The following UBE2W variants were observed in gnomAD, a reference collection of about 807,000 sequenced individuals.
UBE2W encodes ubiquitin conjugating enzyme E2 W, also known as ubiquitin-conjugating enzyme E2 W.
In UBE2W, 18 loss-of-function variants were observed where a neutral mutation model predicts 27.2. The ratio of observed to expected loss-of-function variants is 0.66; its 90% CI spans 0.46 to 0.98. The LOEUF is 0.98. Ranked by LOEUF, UBE2W falls within the 50% of genes least tolerant of loss-of-function variation. UBE2W has a pLI of 0.00. For synonymous variants in UBE2W, 53 were observed against 57.2 expected (o/e 0.93, Z 0.33); for missense variants, 90 against 180.2 (o/e 0.50, Z 2.87).
chr8:73,804,106 C>T (rs754628009), intron 5 of UBE2W, among the ~76,000 whole-genome samples: 2 of 151,974 alleles, frequency 1.3e-5, no homozygotes, highest in African/African-American at 2.4e-5. Flanking sequence ...TGGCATAGTT[C>T]TATTGCACTG....
chr8:73,852,592 T>A (rs531235838), intron 1 of UBE2W, among the ~76,000 whole-genome samples: 2 of 152,202 alleles, frequency 1.3e-5, no homozygotes, highest in South Asian at 4.1e-4. Context: ...AAGAATAAAT[T>A]TTTTTTCTTG....
At chr8:73,838,284 C>T (rs1167667521) in intron 1 of UBE2W, among the ~76,000 whole-genome samples, 7 of 151,790 alleles carry the variant, frequency 4.6e-5, no homozygotes, top group South Asian at 2.1e-4. Flanking sequence ...TCCTTTTTTT[C>T]CCCCCGGTAA....
At chr8:73,831,952 TC>T (rs1224859709) in intron 1 of UBE2W, 1 of 151,724 alleles carries the variant, frequency 6.6e-6, no homozygotes, top group Non-Finnish European at 1.5e-5. Context: ...TAACACGAGT[TC>T]CCAAAGACTG....
chr8:73,877,545 C>A (rs540854904), intron 1 of UBE2W, among the ~76,000 whole-genome samples: 3 of 151,312 alleles, frequency 2.0e-5, no homozygotes, highest in Admixed American at 6.6e-5. Flanking sequence ...GAAGAAGATG[C>A]AGAAAAGGGA....
intron 1 of UBE2W, among the ~76,000 whole-genome samples, chr8:73,874,764 TTAA>T (rs1376566551): frequency 6.6e-6 from 1 of 152,266 alleles, no homozygotes; most frequent in Non-Finnish European, 1.5e-5. Flanking sequence ...TAACATTCTC[TTAA>T]TGATGGTTTC....
intron 4 of UBE2W, among the ~76,000 whole-genome samples, chr8:73,806,790 T>C (rs1808927908): frequency 6.6e-6 from 1 of 152,194 alleles, no homozygotes; most frequent in African/African-American, 2.4e-5. Flanking sequence ...AAAGAACTGT[T>C]TTTACTGTAA....
At chr8:73,843,091 T>C (rs943673400) in intron 1 of UBE2W, among the ~76,000 whole-genome samples, 19 of 152,294 alleles carry the variant, frequency 1.2e-4, no homozygotes, top group African/African-American at 4.6e-4. Context: ...CCACATATTG[T>C]ATGATATCAC....
At chr8:73,794,634 G>A (rs1202097043) in intron 5 of UBE2W, among the ~76,000 whole-genome samples, 6 of 152,038 alleles carry the variant, frequency 3.9e-5, no homozygotes, top group Non-Finnish European at 5.9e-5. Context: ...GGACACGGTG[G>A]CTCACACCTG....
chr8:73,843,046 T>C (rs1810611734), intron 1 of UBE2W, among the ~76,000 whole-genome samples: 1 of 152,158 alleles, frequency 6.6e-6, no homozygotes, highest in African/African-American at 2.4e-5. Flanking sequence ...CTTGAAAACA[T>C]TATGATGTTT....
chr8:73,822,166 GA>G (rs985030139), intron 3 of UBE2W, among the ~76,000 whole-genome samples: 3 of 152,118 alleles, frequency 2.0e-5, no homozygotes, highest in Non-Finnish European at 4.4e-5. Flanking sequence ...CCCTCCTGAG[GA>G]AATCTCAACT....
intron 3 of UBE2W, among the ~76,000 whole-genome samples, chr8:73,815,595 A>G (rs1346197571): frequency 6.6e-6 from 1 of 152,180 alleles, no homozygotes; most frequent in East Asian, 1.9e-4. Context: ...TTCTAATATG[A>G]AATTCAAGAA....
intron 5 of UBE2W, among the ~76,000 whole-genome samples, 179 bp downstream of exon 5, chr8:73,805,472 C>CAAAAAAAAACAAACAAAAA: frequency 4.6e-5 from 2 of 43,676 alleles, no homozygotes; most frequent in African/African-American, 1.2e-4. Context: ...AAAAAAAAAA[C>CAAAAAAAAACAAACAAAAA]AAAAAAAACT....
chr8:73,798,432 G>A, intron 5 of UBE2W, among the ~76,000 whole-genome samples: 1 of 152,072 alleles, frequency 6.6e-6, no homozygotes. Context: ...AAATATTCGA[G>A]AAAAACAAAT....
chr8:73,871,460 G>C (rs934263240), intron 1 of UBE2W, among the ~76,000 whole-genome samples: 1 of 152,200 alleles, frequency 6.6e-6, no homozygotes, highest in Admixed American at 6.5e-5. Context: ...TTTTTAAAAA[G>C]TAGTGAAACA....
At chr8:73,807,620 C>A (rs1250000974) in intron 4 of UBE2W, among the ~76,000 whole-genome samples, 1 of 152,164 alleles carries the variant, frequency 6.6e-6, no homozygotes, top group Non-Finnish European at 1.5e-5. Flanking sequence ...AGATGCCTGA[C>A]TACTTCAAGG....
At chr8:73,840,576 C>T in intron 1 of UBE2W, among the ~76,000 whole-genome samples, 1 of 152,174 alleles carries the variant, frequency 6.6e-6, no homozygotes, top group East Asian at 1.9e-4. Context: ...TTGTAAAAAA[C>T]TTACTTTCCA....
chr8:73,788,209 CATGT>C lies in UBE2W; in HGVS notation c.*5889_*5892del. 2 of 941,090 alleles carry C rather than the reference CATGT, an allele frequency of 2.1e-6. No individual in the cohort carries two copies. Among genetic ancestry groups the C allele is most frequent in the Non-Finnish European group, 1.3e-6 (1 of 789,838 alleles). The allele number at this position is 941,090 out of a possible 1,614,324, so 58.3% of individuals were successfully genotyped here. ...CTGCATTCAACTAACAAGTCTGATA[CATGT>C]ATTAAAAAATATATAACATAGATTT... is the stretch of plus-strand genomic sequence containing the variant. On this transcript the variant is annotated 3_prime_UTR_variant, in exon 6 of 6. Coordinates refer to ENST00000602593, the MANE Select transcript of UBE2W (RefSeq NM_018299.6).
At position 73,790,143 on chromosome 8, in the gene UBE2W, T is replaced by C. The variant is rs1808130767; in HGVS notation, c.*3959A>G. 7 of 984,808 alleles carry C rather than the reference T, an allele frequency of 7.1e-6. No homozygotes were observed. The South Asian group carries it at 3.3e-4, about 46-fold the overall frequency. 61.0% of individuals were successfully genotyped at this position (984,808 alleles called of 1,614,324 possible). ...TTAAATTTTTCAAAAATTCATGGCA[T>C]AATTTTAATAATCGTCCTTCTGTAG... is the stretch of plus-strand genomic sequence containing the variant. On this transcript the variant is annotated 3_prime_UTR_variant, in exon 6 of 6. Transcript: ENST00000602593.
At chr8:73,845,814 G>A (rs1357577896) in intron 1 of UBE2W, among the ~76,000 whole-genome samples, 2 of 151,862 alleles carry the variant, frequency 1.3e-5, no homozygotes, top group Non-Finnish European at 2.9e-5. Context: ...GAACAATGAT[G>A]TCAGCACTAG....
Sources: gnomAD v4.1 joint callset for allele counts (sites outside exome capture counted in the v4.1 genomes callset) on GRCh38, gnomAD v4.1.1 for gene constraint, MANE v1.5 for transcripts, NCBI Gene and HGNC (gene_info 2026-07-23, HGNC 2026-07-21) for gene names.